ADGRE3: variants seen among roughly 807,000 people sequenced by gnomAD.
The protein encoded by ADGRE3 is adhesion G protein-coupled receptor E3.
Under a neutral mutation model 80.1 loss-of-function variants are expected in ADGRE3, and 88 were observed. The ratio of observed to expected loss-of-function variants is 1.10; its 90% CI spans 0.93 to 1.31. The LOEUF (loss-of-function observed/expected upper bound fraction) is 1.31, where lower values mean the gene tolerates loss of function less well. ADGRE3 is among the 40% of genes most tolerant of loss of function. The pLI, the probability that ADGRE3 is intolerant of heterozygous loss-of-function variation, is 0.00. For missense variants in ADGRE3, 715 were observed against 776.5 expected (o/e 0.92, Z 0.94); for synonymous variants, 281 against 294.8 (o/e 0.95, Z 0.48).
intron 15 of ADGRE3, among the ~76,000 whole-genome samples, chr19:14,620,527 T>A (rs1469634395): frequency 1.5e-4 from 2 of 13,712 alleles, no homozygotes; most frequent in East Asian, 1.6e-3. Flanking sequence ...TATATATGAA[T>A]ATATATATTT....
chr19:14,660,538 G>T (rs1971916613), intron 4 of ADGRE3, among the ~76,000 whole-genome samples: 1 of 151,760 alleles, frequency 6.6e-6, no homozygotes, highest in Non-Finnish European at 1.5e-5. Flanking sequence ...TGAGGTGGGA[G>T]GATTGAGCCT....
Position 14,641,528 on chromosome 19 carries a change from A to C in ADGRE3, c.1139T>G (p.Leu380Arg). The C allele has an allele frequency of 6.2e-7, 1 of 1,613,826 alleles. No individual in the cohort carries two copies. The highest frequency in any genetic ancestry group is 1.1e-5 in the South Asian group (1 of 91,054). Residue 380 changes from leucine (L) to arginine (R), a missense_variant, in exon 10 of 16, where the codon CTG (leucine) becomes CGG (arginine). By Grantham distance (102) the Leu-to-Arg change is moderately radical (BLOSUM62 -2). Coordinates refer to ENST00000253673, the MANE Select transcript of ADGRE3 (RefSeq NM_032571.5). ...GCTGGTGTTCCGGATGGCTTTACAC[A>C]GGAGAAAAGTGAGGGCCGCCAGGAG... Reference protein sequence around the residue: ...CLLLAALTFLLCKAIRNTSTS... With the variant: ...CLLLAALTFLRCKAIRNTSTS...
chr19:14,633,144 C>G, intron 12 of ADGRE3, 92 bp downstream of exon 12: 2 of 1,336,364 alleles, frequency 1.5e-6, no homozygotes, highest in Non-Finnish European at 2.1e-6. Flanking sequence ...TCAAACCACC[C>G]AACAGTGGAA....
At chr19:14,615,199 C>CTTTTTTTT (rs1227946914), downstream of ADGRE3, among the ~76,000 whole-genome samples, 1 of 91,024 alleles carries the variant, frequency 1.1e-5, no homozygotes, top group African/African-American at 3.7e-5. Context: ...CTACAGCTGC[C>CTTTTTTTT]TTCTTTTTTT....
At chr19:14,611,210 C>T in the ADGRE3 span, 1 of 152,020 alleles carries the variant, frequency 6.6e-6, no homozygotes, top group South Asian at 2.1e-4. Context: ...TCGTCCTCTC[C>T]AGACACTGCT....
chr19:14,633,007 A>G lies in ADGRE3; in HGVS notation c.1557T>C (p.Asn519=). 1 of 1,613,164 alleles carries G rather than the reference A, an allele frequency of 6.2e-7. No homozygotes were observed. Among genetic ancestry groups the G allele is most frequent in the Non-Finnish European group, 8.5e-7 (1 of 1,179,174 alleles). The change falls in exon 13 of 16, where the codon AAT becomes AAC. Residue 519 remains asparagine, a synonymous_variant. Coordinates refer to ENST00000253673, the MANE Select transcript of ADGRE3 (RefSeq NM_032571.5). ...LGPVCAIFSA[N]LVLFILVFWI... ...AAAAGACCAAGATAAACAATACTAA[A>G]TTCGCCTGCAGGACCAACACAAACA...
chr19:14,664,599 C>T (rs911269313), intron 2 of ADGRE3, among the ~76,000 whole-genome samples: 1 of 152,094 alleles, frequency 6.6e-6, no homozygotes, highest in Non-Finnish European at 1.5e-5. Context: ...GTCCCAGCTA[C>T]TCTGGAGGCT....
chr19:14,645,416 T>C (rs1487725193), intron 8 of ADGRE3, among the ~76,000 whole-genome samples: 3 of 152,100 alleles, frequency 2.0e-5, no homozygotes, highest in Non-Finnish European at 4.4e-5. Context: ...CCCAGCACTT[T>C]GGGAAGCCAA....
intron 15 of ADGRE3, among the ~76,000 whole-genome samples, chr19:14,620,565 TA>T (rs1740730809): frequency 1.3e-4 from 4 of 30,058 alleles, no homozygotes; most frequent in African/African-American, 2.8e-4. Flanking sequence ...TATATATATA[TA>T]TATTTTTTTT....
chr19:14,663,275 T>A (rs555604463), intron 3 of ADGRE3, 143 bp downstream of exon 3: 1 of 332,536 alleles, frequency 3.0e-6, no homozygotes, highest in South Asian at 8.7e-5. Flanking sequence ...AGTGCTGGGA[T>A]TACAGGCTTG....
intron 8 of ADGRE3, among the ~76,000 whole-genome samples, chr19:14,646,196 C>CACCGCA (rs1298702453): frequency 1.3e-5 from 2 of 152,128 alleles, no homozygotes; most frequent in Non-Finnish European, 2.9e-5. Flanking sequence ...GATCTTGGCT[C>CACCGCA]ACCGCAACCT....
chr19:14,648,923 CTT>C (rs1313882697), intron 7 of ADGRE3, among the ~76,000 whole-genome samples: 1 of 152,128 alleles, frequency 6.6e-6, no homozygotes, highest in Non-Finnish European at 1.5e-5. Context: ...CTCCTCATCT[CTT>C]TCTTTCCTTC....
chr19:14,633,852 C>T (rs1970960154), intron 11 of ADGRE3, among the ~76,000 whole-genome samples: 3 of 145,334 alleles, frequency 2.1e-5, no homozygotes, highest in Non-Finnish European at 4.5e-5. Flanking sequence ...TCTCAGCTCA[C>T]TGCAACCTCT....
chr19:14,663,636 C>T lies in ADGRE3; in HGVS notation c.77-96G>A, dbSNP rs538118521. On this transcript the variant is annotated intron_variant, in intron 2 of 15. Transcript: ENST00000253673. The stretch of plus-strand genomic sequence containing the variant: ...TCTTGATCACCTGAGGTCAGGAGTT[C>T]AAGAGCAGCCTGGCCAACATACTGA... 2.8e-4 allele frequency: 395 copies of T among 1,416,754 alleles called. 2 individuals carry two copies. In the Admixed American group the frequency reaches 6.8e-3, roughly 25 times the overall value. 87.8% of individuals were successfully genotyped at this position (1,416,754 alleles called of 1,614,324 possible). A position where few individuals can be genotyped will look rare whatever the true frequency, so the allele number is the denominator to read the frequency against.
At position 14,666,305 on chromosome 19, in the gene ADGRE3, ATTGCATTGT is replaced by A. The variant is rs1279462188; in HGVS notation, c.76+2488_76+2496del. ...GCCATTCTTGCAGGAGTAAGGTGGTATTGCATTGTGATTTCGATTTGCATTTCCCTTATA... is the reference window on the plus strand; with the variant it reads ...GCCATTCTTGCAGGAGTAAGGTGGTAGATTTCGATTTGCATTTCCCTTATA... On this transcript the variant is annotated intron_variant, in intron 2 of 15. Transcript: ENST00000253673. 3.3e-5 allele frequency among the ~76,000 whole-genome samples: 5 copies of A among 150,506 alleles called. No individual in the cohort carries two copies. The East Asian group carries it at 9.8e-4, about 29-fold the overall frequency.
rs530462292 is a variant in ADGRE3, at chr19:14,659,333, G to A, written c.356-783C>T. On this transcript the variant is annotated intron_variant, in intron 4 of 15. Coordinates refer to ENST00000253673, the MANE Select transcript of ADGRE3 (RefSeq NM_032571.5). Reference sequence around the variant, plus strand: ...GCAAGGATTACAGGCGCGAGCCACCGTGCCTGGCCTCCAAATTCTTTTATT... The same window carrying A: ...GCAAGGATTACAGGCGCGAGCCACCATGCCTGGCCTCCAAATTCTTTTATT... 6.1e-4 allele frequency among the ~76,000 whole-genome samples: 93 copies of A among 152,152 alleles called. 1 individual carries two copies. Among genetic ancestry groups the A allele is most frequent in the African/African-American group, 2.1e-3 (89 of 41,512 alleles).
At chr19:14,648,490 T>C (rs1026972707) in intron 7 of ADGRE3, among the ~76,000 whole-genome samples, 3 of 152,180 alleles carry the variant, frequency 2.0e-5, no homozygotes, top group African/African-American at 7.2e-5. Flanking sequence ...AACAGCAAGC[T>C]GCTCACTCAG....
At chr19:14,665,961 T>TGC (rs1568500847) in intron 2 of ADGRE3, among the ~76,000 whole-genome samples, 31 of 125,724 alleles carry the variant, frequency 2.5e-4, no homozygotes, top group South Asian at 7.3e-4. Flanking sequence ...TATATATATA[T>TGC]ATATATATAT....
intron 11 of ADGRE3, among the ~76,000 whole-genome samples, chr19:14,637,796 T>A (rs1334680634): frequency 2.6e-5 from 4 of 151,926 alleles, no homozygotes; most frequent in African/African-American, 9.7e-5. Flanking sequence ...CCCAAATTGT[T>A]GGTATTACAG....
Sources: allele counts gnomAD v4.1 joint callset (sites outside exome capture counted in the v4.1 genomes callset), GRCh38; gene constraint gnomAD v4.1.1; transcripts MANE v1.5; gene names NCBI Gene and HGNC (gene_info 2026-07-23, HGNC 2026-07-21).